The following ZNF738 variants were observed in gnomAD, a reference collection of about 807,000 sequenced individuals.
The protein encoded by ZNF738 is zinc finger protein 738, also known as protein ZNF738.
Under a neutral mutation model 9.2 loss-of-function variants are expected in ZNF738, and 10 were observed. That is an observed-to-expected ratio of 1.09 (90% CI 0.67 to 1.85). The LOEUF (loss-of-function observed/expected upper bound fraction) is 1.85, where lower values mean the gene tolerates loss of function less well. Ranked by LOEUF, ZNF738 falls within the 40% of genes most tolerant of loss-of-function variation. ZNF738 has a pLI of 0.00. For missense variants in ZNF738, 346 were observed against 283.6 expected (o/e 1.22, Z -1.58); for synonymous variants, 113 against 94.5 (o/e 1.20, Z -1.14).
intron 2 of ZNF738, among the ~76,000 whole-genome samples, chr19:21,369,570 G>A (rs1973829567): frequency 6.6e-6 from 1 of 150,926 alleles, no homozygotes; most frequent in African/African-American, 2.5e-5. Flanking sequence ...GTGTAAGGAA[G>A]GGGACCAGTT....
In ZNF738 at chr19:21,383,692, T is replaced by G; in HGVS notation, c.*18T>G. The stretch of plus-strand genomic sequence containing the variant: ...GTGAATAATGTGGCAAAGCCTTTAA[T>G]GTATTCGCAACCCTTACTAGACATA... On this transcript the variant is annotated 3_prime_UTR_variant, in exon 5 of 5. Coordinates refer to ENST00000683779, the MANE Select transcript of ZNF738 (RefSeq NM_001355237.2). 1 of 924,016 alleles carries G rather than the reference T, an allele frequency of 1.1e-6. No homozygotes were observed. Among genetic ancestry groups the G allele is most frequent in the Admixed American group, 1.8e-5 (1 of 55,220 alleles). The allele number at this position is 924,016 out of a possible 1,614,324, so 57.2% of individuals were successfully genotyped here. A position where few individuals can be genotyped will look rare whatever the true frequency, so the allele number is the denominator to read the frequency against.
chr19:21,368,358 G>C (rs192812237), intron 2 of ZNF738, among the ~76,000 whole-genome samples: 2 of 152,044 alleles, frequency 1.3e-5, no homozygotes, highest in African/African-American at 4.8e-5. Flanking sequence ...TCTGTTTTGC[G>C]TTAATTTTCT....
At position 21,382,877 on chromosome 19, in the gene ZNF738, C is replaced by A; in HGVS notation, c.331C>A (p.His111Asn). 4.3e-6 allele frequency: 2 copies of A among 469,730 alleles called. No homozygotes were observed. The highest frequency in any genetic ancestry group is 4.4e-5 in the South Asian group (2 of 45,026). The allele number at this position is 469,730 out of a possible 1,614,324, so 29.1% of individuals were successfully genotyped here. A position where few individuals can be genotyped will look rare whatever the true frequency, so the allele number is the denominator to read the frequency against. ...TTTATTTCTTTCAGTTACATATTCT[C>A]ATTTTGCCCAGGACCTTTGGCCACA... is the stretch of plus-strand genomic sequence containing the variant. ...MVATPPVTYS[H>N]FAQDLWPQPG... The change falls in exon 5 of 5, where the codon CAT (histidine) becomes AAT (asparagine). Residue 111 changes from histidine (H) to asparagine (N), a missense_variant. His to Asn is a moderately conservative substitution (Grantham distance 68). Coordinates refer to ENST00000683779, the MANE Select transcript of ZNF738 (RefSeq NM_001355237.2).
At chr19:21,367,611 A>G (rs569044752) in intron 2 of ZNF738, among the ~76,000 whole-genome samples, 2 of 152,276 alleles carry the variant, frequency 1.3e-5, no homozygotes, top group Admixed American at 6.5e-5. Flanking sequence ...GTGTCTGAAA[A>G]TGGAAGGCTC....
rs1291879532 is a variant in ZNF738, at chr19:21,385,283, C to G, written c.*1609C>G. ...CAGCCTGGCCCATATGGTGAAACCC[C>G]ATCTCTACTAAAAATATAAAAAATT... On this transcript the variant is annotated 3_prime_UTR_variant, in exon 5 of 5. Coordinates refer to ENST00000683779, the MANE Select transcript of ZNF738 (RefSeq NM_001355237.2). 9.9e-5 allele frequency among the ~76,000 whole-genome samples: 15 copies of G among 152,240 alleles called. No individual in the cohort carries two copies. The East Asian group carries it at 2.7e-3, about 27-fold the overall frequency.
At chr19:21,378,694 G>T in intron 4 of ZNF738, 1 of 380,962 alleles carries the variant, frequency 2.6e-6, no homozygotes. Flanking sequence ...CTGTGTCCCA[G>T]GTTCAAGCAG....
At position 21,384,152 on chromosome 19, in the gene ZNF738, A is replaced by G. The variant is rs1331050427; in HGVS notation, c.*478A>G. On this transcript the variant is annotated 3_prime_UTR_variant, in exon 5 of 5. Transcript: ENST00000683779. ...CTACACATAAGATGATTCATACTGTAGAGAAACGCTACAAATGTGAGGAAT... is the reference window on the plus strand; with the variant it reads ...CTACACATAAGATGATTCATACTGTGGAGAAACGCTACAAATGTGAGGAAT... 6.8e-7 allele frequency: 1 copy of G among 1,463,804 alleles called. No individual in the cohort carries two copies. The highest frequency in any genetic ancestry group is 2.3e-5 in the East Asian group (1 of 43,762). The allele number at this position is 1,463,804 out of a possible 1,614,324, so 90.7% of individuals were successfully genotyped here. A position where few individuals can be genotyped will look rare whatever the true frequency, so the allele number is the denominator to read the frequency against.
At position 21,388,498 on chromosome 19, in the gene ZNF738, G is replaced by A. The variant is rs143326923; in HGVS notation, c.*4824G>A. On this transcript the variant is annotated 3_prime_UTR_variant, in exon 5 of 5. Transcript: ENST00000683779. ...TAAGAGTATTGTTCTTTTGCATTAT[G>A]AGAAAACTAGTAGTATATTATTAGT... 1.3e-5 allele frequency among the ~76,000 whole-genome samples: 2 copies of A among 152,164 alleles called. No individual in the cohort carries two copies. The highest frequency in any genetic ancestry group is 1.5e-5 in the Non-Finnish European group (1 of 68,002).
rs530492566 is a variant in ZNF738 at position 21,384,988 on chromosome 19, C to T, written c.*1314C>T. Among the ~76,000 whole-genome samples the T allele has an allele frequency of 1.3e-5, 2 of 152,316 alleles. No individual in the cohort carries two copies. The highest frequency in any genetic ancestry group is 2.1e-4 in the South Asian group (1 of 4,822). ...TTTACTACACATAGGAGAATTCATG[C>T]GGAAGAGAATTTCTACAAATGTGAA... On this transcript the variant is annotated 3_prime_UTR_variant, in exon 5 of 5. Transcript: ENST00000683779.
In ZNF738 at chr19:21,388,549, A is replaced by G. The variant is rs1974094528; in HGVS notation, c.*4875A>G. On this transcript the variant is annotated 3_prime_UTR_variant, in exon 5 of 5. Coordinates refer to ENST00000683779, the MANE Select transcript of ZNF738 (RefSeq NM_001355237.2). ...ATATTATTGTACTAATTGTACTTTT[A>G]TATAATAAAATGCAGCACATTTTTA... is the stretch of plus-strand genomic sequence containing the variant. Among the ~76,000 whole-genome samples, 1 of 152,144 alleles carries G rather than the reference A, an allele frequency of 6.6e-6. No homozygotes were observed. Among genetic ancestry groups the G allele is most frequent in the African/African-American group, 2.4e-5 (1 of 41,454 alleles).
At position 21,385,209 on chromosome 19, in the gene ZNF738, C is replaced by T. The variant is rs1176659776; in HGVS notation, c.*1535C>T. Among the ~76,000 whole-genome samples, 1 of 152,126 alleles carries T rather than the reference C, an allele frequency of 6.6e-6. No individual in the cohort carries two copies. Among genetic ancestry groups the T allele is most frequent in the Non-Finnish European group, 1.5e-5 (1 of 68,034 alleles). ...CGGTGGCTCATGCCTGTAATCCCAG[C>T]ACTTTGGGAGGCTGAGGCAGGCAGA... On this transcript the variant is annotated 3_prime_UTR_variant, in exon 5 of 5. Transcript: ENST00000683779.
intron 1 of ZNF738, among the ~76,000 whole-genome samples, chr19:21,359,877 C>T (rs911627565): frequency 1.3e-5 from 2 of 148,550 alleles, no homozygotes; most frequent in African/African-American, 4.9e-5. Flanking sequence ...ACTCTTGTCT[C>T]AAAAAAAAAA....
intron 2 of ZNF738, among the ~76,000 whole-genome samples, chr19:21,362,640 A>G (rs1334843925): frequency 6.6e-6 from 1 of 152,210 alleles, no homozygotes; most frequent in Non-Finnish European, 1.5e-5. Context: ...AGGTTACATT[A>G]TATTAGTAGG....
Position 21,386,482 on chromosome 19 carries a change from C to A in ZNF738, c.*2808C>A. On this transcript the variant is annotated 3_prime_UTR_variant, in exon 5 of 5. Transcript: ENST00000683779. ...AACTCCCACTAAACATAACATAATTCATACTGGAGAGAAACCTCACAACTG... is the reference window on the plus strand; with the variant it reads ...AACTCCCACTAAACATAACATAATTAATACTGGAGAGAAACCTCACAACTG... 1 of 356,668 alleles carries A rather than the reference C, an allele frequency of 2.8e-6. No homozygotes were observed. Among genetic ancestry groups the A allele is most frequent in the South Asian group, 2.7e-5 (1 of 37,414 alleles). 22.1% of individuals were successfully genotyped at this position (356,668 alleles called of 1,614,324 possible).
At chr19:21,374,647 A>G (rs1973901801) in intron 2 of ZNF738, among the ~76,000 whole-genome samples, 1 of 152,156 alleles carries the variant, frequency 6.6e-6, no homozygotes, top group African/African-American at 2.4e-5. Context: ...TTCTTTGCAT[A>G]TGTCTATCTT....
intron 2 of ZNF738, among the ~76,000 whole-genome samples, chr19:21,368,156 T>G (rs1973810557): frequency 6.6e-6 from 1 of 152,200 alleles, no homozygotes; most frequent in Non-Finnish European, 1.5e-5. Context: ...GGTAAAATTG[T>G]GTCATGGGGG....
At chr19:21,381,221 C>G (rs1451671749) in intron 4 of ZNF738, 2 of 1,535,596 alleles carry the variant, frequency 1.3e-6, no homozygotes. Flanking sequence ...CCTGAGATTT[C>G]AAATATTAAA....
In ZNF738 at chr19:21,388,411, G is replaced by T. The variant is rs1272200460; in HGVS notation, c.*4737G>T. 6.6e-6 allele frequency among the ~76,000 whole-genome samples: 1 copy of T among 152,108 alleles called. No individual in the cohort carries two copies. The highest frequency in any genetic ancestry group is 1.5e-5 in the Non-Finnish European group (1 of 67,996). On this transcript the variant is annotated 3_prime_UTR_variant, in exon 5 of 5. Coordinates refer to ENST00000683779, the MANE Select transcript of ZNF738 (RefSeq NM_001355237.2). ...GACATTAGAATGTAAGATGCATGAT[G>T]AAAAAGTGGAGAGGTTCTTTGTGGT...
At chr19:21,365,265 C>T (rs1973760527) in intron 2 of ZNF738, among the ~76,000 whole-genome samples, 1 of 152,070 alleles carries the variant, frequency 6.6e-6, no homozygotes, top group Non-Finnish European at 1.5e-5. Flanking sequence ...GCTGTTTTGC[C>T]AGCCAGGTCT....
Sources: allele counts gnomAD v4.1 joint callset (sites outside exome capture counted in the v4.1 genomes callset), GRCh38; gene constraint gnomAD v4.1.1; transcripts MANE v1.5; gene names NCBI Gene and HGNC (gene_info 2026-07-23, HGNC 2026-07-21).